PLCB1: variants seen among roughly 807,000 people sequenced by gnomAD.
The protein encoded by PLCB1 is 1-phosphatidylinositol 4,5-bisphosphate phosphodiesterase beta-1.
Under a neutral mutation model 161.8 loss-of-function variants are expected in PLCB1, and 46 were observed. The ratio of observed to expected loss-of-function variants is 0.28; its 90% CI spans 0.22 to 0.36. The LOEUF (loss-of-function observed/expected upper bound fraction) is 0.36. Ranked by LOEUF, PLCB1 falls within the 10% of genes least tolerant of loss-of-function variation. PLCB1 has a pLI of 1.00. For synonymous variants in PLCB1, 517 were observed against 503.7 expected, an observed-to-expected ratio of 1.03 and a Z score of -0.35; for missense variants, 1,016 against 1,472.5, an observed-to-expected ratio of 0.69 and a Z score of 5.07.
At chr20:8,177,445 C>T (rs1201638007) in intron 2 of PLCB1, among the ~76,000 whole-genome samples, 2 of 152,118 alleles carry the variant, frequency 1.3e-5, no homozygotes, top group Middle Eastern at 3.4e-3. Flanking sequence ...TGGACTAAGA[C>T]GATGATGTTA....
chr20:8,284,616 G>A (rs563641815), intron 2 of PLCB1, among the ~76,000 whole-genome samples: 3 of 152,086 alleles, frequency 2.0e-5, no homozygotes, highest in African/African-American at 4.8e-5. Context: ...TGGTTTTATC[G>A]TCCTGGCAGT....
intron 3 of PLCB1, among the ~76,000 whole-genome samples, chr20:8,559,251 G>T (rs2123017649): frequency 6.6e-6 from 1 of 151,990 alleles, no homozygotes; most frequent in South Asian, 2.1e-4. Context: ...AGTTAAGTTG[G>T]TGTTAAATCA....
At chr20:8,322,986 G>A (rs1984984587) in intron 2 of PLCB1, among the ~76,000 whole-genome samples, 1 of 152,120 alleles carries the variant, frequency 6.6e-6, no homozygotes. Context: ...TTCATTAGAA[G>A]GTGAGGCTCT....
chr20:8,578,057 C>G (rs978161504), intron 3 of PLCB1, among the ~76,000 whole-genome samples: 12 of 152,224 alleles, frequency 7.9e-5, no homozygotes, highest in African/African-American at 2.9e-4. Flanking sequence ...GCAATTAACT[C>G]ATAATCCTAA....
At chr20:8,136,489 G>C (rs181034726) in intron 1 of PLCB1, among the ~76,000 whole-genome samples, 1 of 152,042 alleles carries the variant, frequency 6.6e-6, no homozygotes. Context: ...AGCCGGGCGT[G>C]GTGGCGGGCG....
chr20:8,514,797 T>C (rs1028490728), intron 3 of PLCB1, among the ~76,000 whole-genome samples: 2 of 152,200 alleles, frequency 1.3e-5, no homozygotes. Context: ...ATTATTATTT[T>C]TGGTTCATGT....
At chr20:8,824,483 G>A (rs1985590450) in intron 31 of PLCB1, among the ~76,000 whole-genome samples, 1 of 152,288 alleles carries the variant, frequency 6.6e-6, no homozygotes, top group Admixed American at 6.5e-5. Flanking sequence ...TTTGTGGCAG[G>A]AGAAATTCAG....
chr20:8,880,292 C>G (rs958980806), intron 31 of PLCB1, among the ~76,000 whole-genome samples: 4 of 152,134 alleles, frequency 2.6e-5, no homozygotes, highest in Non-Finnish European at 4.4e-5. Flanking sequence ...CAGCTCCCTA[C>G]CAGACAACTC....
chr20:8,586,451 A>G lies in PLCB1; in HGVS notation c.247-41843A>G, dbSNP rs140422943. Among the ~76,000 whole-genome samples, 3 of 152,284 alleles carry G rather than the reference A, an allele frequency of 2.0e-5. No individual in the cohort carries two copies. The East Asian group carries it at 5.8e-4, about 29-fold the overall frequency. ...CCAGGGACATTTTTCACAAAGAAAC[A>G]AAACTGTTTAGTGATGGTAGCAGAG... On this transcript the variant is annotated intron_variant, in intron 3 of 31. Transcript: ENST00000338037.
chr20:8,615,304 A>G (rs1988013925), intron 3 of PLCB1, among the ~76,000 whole-genome samples: 1 of 152,202 alleles, frequency 6.6e-6, no homozygotes, highest in South Asian at 2.1e-4. Context: ...AATCAAATTT[A>G]TAGGGAAGAC....
At chr20:8,350,319 A>G (rs1986142543) in intron 2 of PLCB1, among the ~76,000 whole-genome samples, 1 of 151,914 alleles carries the variant, frequency 6.6e-6, no homozygotes. Context: ...TTCAGCTTCC[A>G]CTCATAAGAC....
At chr20:8,593,939 C>A (rs1254956858) in intron 3 of PLCB1, among the ~76,000 whole-genome samples, 1 of 152,154 alleles carries the variant, frequency 6.6e-6, no homozygotes, top group African/African-American at 2.4e-5. Context: ...GGCTAGAATG[C>A]AGTGGTACAA....
chr20:8,438,234 A>G (rs1237861027), intron 3 of PLCB1, among the ~76,000 whole-genome samples: 1 of 152,202 alleles, frequency 6.6e-6, no homozygotes, highest in Non-Finnish European at 1.5e-5. Context: ...ATATAAAAGT[A>G]ATTTTGGCAA....
chr20:8,251,006 A>T (rs1001610744), intron 2 of PLCB1, among the ~76,000 whole-genome samples: 3 of 151,990 alleles, frequency 2.0e-5, no homozygotes, highest in Non-Finnish European at 2.9e-5. Context: ...TATAAACATT[A>T]GGAATTTATT....
At position 8,590,269 on chromosome 20, in the gene PLCB1, C is replaced by T. The variant is rs554618555; in HGVS notation, c.247-38025C>T. ...CAGCACAATGTACCTATGACAAATT[C>T]GGAAGTCGTATGTTGGGAATTAATC... is the stretch of plus-strand genomic sequence containing the variant. On this transcript the variant is annotated intron_variant, in intron 3 of 31. Coordinates refer to ENST00000338037, the MANE Select transcript of PLCB1 (RefSeq NM_015192.4). Among the ~76,000 whole-genome samples, 75 of 152,110 alleles carry T rather than the reference C, an allele frequency of 4.9e-4. No homozygotes were observed. In the South Asian group the frequency reaches 8.9e-3, roughly 18 times the overall value.
chr20:8,824,235 G>T (rs927552155), intron 31 of PLCB1, among the ~76,000 whole-genome samples: 1 of 152,116 alleles, frequency 6.6e-6, no homozygotes. Flanking sequence ...TTTGCCATCT[G>T]GCTGCATGAA....
intron 2 of PLCB1, among the ~76,000 whole-genome samples, chr20:8,339,905 G>T (rs910581530): frequency 6.6e-6 from 1 of 152,108 alleles, no homozygotes; most frequent in African/African-American, 2.4e-5. Context: ...GGAGTTCAAG[G>T]CTGCAGTGAT....
intron 2 of PLCB1, among the ~76,000 whole-genome samples, chr20:8,214,086 G>T (rs1262591541): frequency 2.6e-5 from 4 of 152,088 alleles, no homozygotes; most frequent in African/African-American, 4.8e-5. Flanking sequence ...AAACAAAGGA[G>T]GTTGAGGTAA....
Position 8,790,207 on chromosome 20 carries a change from A to G in PLCB1, c.3369A>G (p.Lys1123=). ...LEEAQSKRQE[K]LVEKHKEIRQ... ...AAGCGCAAAGTAAACGGCAAGAAAA[A>G]CTCGTAGAGAAACACAAGGAAATAC... The change falls in exon 31 of 32, where the codon AAA becomes AAG. Residue 1123 remains lysine (K), a synonymous_variant. Coordinates refer to ENST00000338037, the MANE Select transcript of PLCB1 (RefSeq NM_015192.4). 6.2e-7 allele frequency: 1 copy of G among 1,612,028 alleles called. No individual in the cohort carries two copies.
Sources: gnomAD v4.1 joint callset for allele counts (sites outside exome capture counted in the v4.1 genomes callset) on GRCh38, gnomAD v4.1.1 for gene constraint, MANE v1.5 for transcripts, NCBI Gene and HGNC (gene_info 2026-07-23, HGNC 2026-07-21) for gene names.